BMP7: variants seen among roughly 807,000 people sequenced by gnomAD.
The protein encoded by BMP7 is bone morphogenetic protein 7, also known as osteogenic protein 1.
Under a neutral mutation model 41.2 loss-of-function variants are expected in BMP7, and 12 were observed. That is an observed-to-expected ratio of 0.29 (90% CI 0.19 to 0.47). The LOEUF (loss-of-function observed/expected upper bound fraction) is 0.47. Among genes scored for constraint, BMP7 ranks in the 20% least tolerant of loss-of-function variants. The pLI is 0.99. For synonymous variants in BMP7, 248 were observed against 250.0 expected (o/e 0.99, Z 0.07); for missense variants, 467 against 606.0 (o/e 0.77, Z 2.41).
intron 2 of BMP7, among the ~76,000 whole-genome samples, chr20:57,221,666 C>T (rs926277321): frequency 2.6e-5 from 4 of 152,066 alleles, no homozygotes; most frequent in African/African-American, 9.7e-5. Context: ...AAAAAACTAG[C>T]CAGACATAGT....
intron 1 of BMP7, among the ~76,000 whole-genome samples, chr20:57,247,941 G>A (rs2066096767): frequency 6.6e-6 from 1 of 152,124 alleles, no homozygotes; most frequent in African/African-American, 2.4e-5. Flanking sequence ...ATAAAACAAA[G>A]CTTGTTTTCA....
rs568854318 is a variant in BMP7, at chr20:57,173,005, A to T, written c.1146+195T>A. ...TAAATGAACTCCAGGGTCGAAGATT[A>T]TACTCCTCTTTATACCAAACCAGTC... On this transcript the variant is annotated intron_variant, in intron 6 of 6. Transcript: ENST00000395863. The T allele has an allele frequency of 4.6e-6, 3 of 656,982 alleles. 1 individual carries two copies. Among genetic ancestry groups the T allele is most frequent in the Non-Finnish European group, 8.2e-6 (3 of 364,062 alleles). 40.7% of individuals were successfully genotyped at this position (656,982 alleles called of 1,614,324 possible). A position where few individuals can be genotyped will look rare whatever the true frequency, so the allele number is the denominator to read the frequency against.
chr20:57,175,716 C>T (rs1983909276), intron 4 of BMP7, among the ~76,000 whole-genome samples: 1 of 152,202 alleles, frequency 6.6e-6, no homozygotes, highest in African/African-American at 2.4e-5. Flanking sequence ...CTGCAACCTT[C>T]CTTCCACCCC....
chr20:57,178,803 G>A (rs1983998570), intron 4 of BMP7, among the ~76,000 whole-genome samples: 1 of 152,120 alleles, frequency 6.6e-6, no homozygotes, highest in African/African-American at 2.4e-5. Context: ...CTGACTCCTT[G>A]GTGTCCTGAG....
chr20:57,208,829 A>G (rs182164005), intron 2 of BMP7, among the ~76,000 whole-genome samples: 2 of 152,354 alleles, frequency 1.3e-5, no homozygotes, highest in Non-Finnish European at 2.9e-5. Context: ...GTCAGACTTA[A>G]AAGATTGCAT....
rs1284259171 is a variant in BMP7, at chr20:57,266,128, C to T, written c.-6G>A. The T allele has an allele frequency of 2.0e-6, 3 of 1,524,944 alleles. No homozygotes were observed. The highest frequency in any genetic ancestry group is 1.2e-5 in the South Asian group (1 of 83,162). The allele number at this position is 1,524,944 out of a possible 1,614,324, so 94.5% of individuals were successfully genotyped here. On this transcript the variant is annotated 5_prime_UTR_variant, in exon 1 of 7. Coordinates refer to ENST00000395863, the MANE Select transcript of BMP7 (RefSeq NM_001719.3). ...CGCAGTGAGCGCACGTGCATCGCGCCGGCTCTACGCGCTACCCGGGCTCCG... is the reference window on the plus strand; with the variant it reads ...CGCAGTGAGCGCACGTGCATCGCGCTGGCTCTACGCGCTACCCGGGCTCCG...
chr20:57,246,199 A>G, intron 1 of BMP7, among the ~76,000 whole-genome samples: 1 of 152,214 alleles, frequency 6.6e-6, no homozygotes, highest in Non-Finnish European at 1.5e-5. Context: ...AAACTCAATT[A>G]GCAGTTTTAT....
intron 1 of BMP7, among the ~76,000 whole-genome samples, chr20:57,230,627 G>A (rs1423830138): frequency 6.6e-6 from 1 of 150,896 alleles, no homozygotes; most frequent in Non-Finnish European, 1.5e-5. Flanking sequence ...CTCTGTGGCT[G>A]CGTGAACAGC....
In BMP7 at chr20:57,265,733, G is replaced by C. The variant is rs1447710724; in HGVS notation, c.390C>G (p.Ala130=). ...GGTTGACGAAGCTCATGACCATGTC[G>C]GCGTCGGTGAGGAAATGGCTATCTT... The part of the protein sequence containing the change: ...SLQDSHFLTD[A]DMVMSFVNLV... Residue 130 remains alanine, a synonymous_variant, in exon 1 of 7, where the codon GCC becomes GCG. Transcript: ENST00000395863. 2.5e-6 allele frequency: 4 copies of C among 1,609,150 alleles called. No homozygotes were observed. The highest frequency in any genetic ancestry group is 3.4e-6 in the Non-Finnish European group (4 of 1,177,922).
Position 57,202,569 on chromosome 20 carries a change from G to T in BMP7, c.666C>A (p.Gly222=). Residue 222 remains glycine, a synonymous_variant, in exon 3 of 7, where the codon GGC becomes GGA. Coordinates refer to ENST00000395863, the MANE Select transcript of BMP7 (RefSeq NM_001719.3). ...TGGCTGTGATGTCAAACACCAGCCAGCCCTCCTCCGAGGCCCAGAGGGTAC... is the reference window on the plus strand; with the variant it reads ...TGGCTGTGATGTCAAACACCAGCCATCCCTCCTCCGAGGCCCAGAGGGTAC... ...DSRTLWASEE[G]WLVFDITATS... The T allele has an allele frequency of 6.2e-7, 1 of 1,612,514 alleles. No individual in the cohort carries two copies. The highest frequency in any genetic ancestry group is 8.5e-7 in the Non-Finnish European group (1 of 1,180,016).
At chr20:57,188,884 G>A (rs1269282087) in intron 3 of BMP7, among the ~76,000 whole-genome samples, 1 of 152,198 alleles carries the variant, frequency 6.6e-6, no homozygotes, top group Non-Finnish European at 1.5e-5. Flanking sequence ...GCTGGTCCAC[G>A]GCAAGGCCAA....
chr20:57,205,643 T>A (rs941267562), intron 2 of BMP7, among the ~76,000 whole-genome samples: 3 of 152,196 alleles, frequency 2.0e-5, no homozygotes, highest in African/African-American at 7.2e-5. Context: ...AAATTGTTAT[T>A]AGCAGGAAAA....
At position 57,174,972 on chromosome 20, in the gene BMP7, T is replaced by G. The variant is rs1178383520; in HGVS notation, c.994A>C (p.Lys332Gln). The change falls in exon 5 of 7, where the codon AAG (lysine) becomes CAG (glutamine). Residue 332 changes from lysine to glutamine, a missense_variant. Coordinates refer to ENST00000395863, the MANE Select transcript of BMP7 (RefSeq NM_001719.3). The surrounding 1 kb of genome is among the most constrained non-coding windows in gnomAD (Gnocchi z 4.3). ...CGGAAGCTGACATACAGCTCGTGCT[T>G]CTTACAGGCCTGCCTCTGGTCGCTG... The part of the protein sequence containing the change: ...SSSDQRQACK[K>Q]HELYVSFRDL... The G allele has an allele frequency of 1.2e-6, 2 of 1,612,330 alleles. No individual in the cohort carries two copies. Among genetic ancestry groups the G allele is most frequent in the African/African-American group, 1.3e-5 (1 of 74,932 alleles).
chr20:57,177,673 A>G (rs1983964158), intron 4 of BMP7: 1 of 152,234 alleles, frequency 6.6e-6, no homozygotes, highest in African/African-American at 2.4e-5. Context: ...CAGAAAAGCA[A>G]TGTGGAAAGA....
At chr20:57,265,639 C>G in intron 1 of BMP7, 66 bp downstream of exon 1, 1 of 1,548,418 alleles carries the variant, frequency 6.5e-7, no homozygotes, top group Non-Finnish European at 8.7e-7. Flanking sequence ...GAAGAAGCGG[C>G]TCCCTCCCTC....
intron 3 of BMP7, among the ~76,000 whole-genome samples, chr20:57,195,218 C>T (rs1336932382): frequency 1.3e-5 from 2 of 152,214 alleles, no homozygotes; most frequent in Non-Finnish European, 2.9e-5. Flanking sequence ...GGGGATGCAG[C>T]CCACCCACGC....
intron 3 of BMP7, among the ~76,000 whole-genome samples, chr20:57,187,499 C>A (rs1048432137): frequency 6.6e-6 from 1 of 151,338 alleles, no homozygotes; most frequent in African/African-American, 2.4e-5. Context: ...GGAGAAGTAT[C>A]CTGGAGGTTT....
chr20:57,202,369 G>T, intron 3 of BMP7, 106 bp downstream of exon 3: 1 of 1,455,260 alleles, frequency 6.9e-7, no homozygotes, highest in Non-Finnish European at 9.3e-7. Context: ...GGTTGGGAGG[G>T]GCGGGGAAGC....
chr20:57,216,077 T>C (rs1985009941), intron 2 of BMP7, among the ~76,000 whole-genome samples: 1 of 152,058 alleles, frequency 6.6e-6, no homozygotes, highest in South Asian at 2.1e-4. Context: ...TTGGAACATC[T>C]AGAGAAGGCC....
Sources: gnomAD v4.1 joint callset for allele counts (sites outside exome capture counted in the v4.1 genomes callset) on GRCh38, gnomAD v4.1.1 for gene constraint, Gnocchi (gnomAD v3.1) non-coding constraint, MANE v1.5 for transcripts, NCBI Gene and HGNC (gene_info 2026-07-23, HGNC 2026-07-21) for gene names.